Variants in OSBPL8 observed in about 807,000 individuals in gnomAD.
OSBPL8 encodes the protein oxysterol-binding protein-related protein 8.
OSBPL8 carries 59 observed loss-of-function variants against 125.5 expected under a neutral mutation model. The ratio of observed to expected loss-of-function variants is 0.47; its 90% CI spans 0.38 to 0.58. The LOEUF (loss-of-function observed/expected upper bound fraction) is 0.58, where lower values mean the gene tolerates loss of function less well. OSBPL8 is among the 20% of genes least tolerant of loss of function. The probability of loss-of-function intolerance (pLI) is 0.00; values close to 1 mark genes in which losing one functional copy is unlikely to be tolerated. For missense variants in OSBPL8, 758 were observed against 1,047.8 expected (o/e 0.72, Z 3.82); for synonymous variants, 330 against 338.9 (o/e 0.97, Z 0.29).
intron 11 of OSBPL8, 94 bp downstream of exon 11, chr12:76,390,326 T>C (rs776697331): frequency 1.1e-6 from 1 of 900,716 alleles, no homozygotes. Context: ...CACAGAAAAA[T>C]AGGCAATAGA....
intron 1 of OSBPL8, among the ~76,000 whole-genome samples, chr12:76,513,412 G>C (rs1290704752): frequency 6.6e-6 from 1 of 152,214 alleles, no homozygotes; most frequent in Non-Finnish European, 1.5e-5. Context: ...GTTGTTTTAA[G>C]GTGGAAAGTT....
chr12:76,357,945 A>C (rs181028160), intron 22 of OSBPL8, among the ~76,000 whole-genome samples: 210 of 152,104 alleles, frequency 1.4e-3, no homozygotes, highest in African/African-American at 4.9e-3. Flanking sequence ...ACATTATCTG[A>C]CTCGAATAAG....
At chr12:76,542,338 T>C (rs1408138131) in intron 1 of OSBPL8, among the ~76,000 whole-genome samples, 1 of 152,202 alleles carries the variant, frequency 6.6e-6, no homozygotes, top group African/African-American at 2.4e-5. Context: ...TAGAGATGCT[T>C]CTCTTCATCA....
intron 17 of OSBPL8, among the ~76,000 whole-genome samples, chr12:76,373,873 C>T (rs921331371): frequency 2.6e-5 from 4 of 151,716 alleles, no homozygotes. Flanking sequence ...AATATATAGC[C>T]AAAAAAAGCC....
chr12:76,407,745 G>A (rs997509124), intron 5 of OSBPL8, among the ~76,000 whole-genome samples: 6 of 152,044 alleles, frequency 3.9e-5, no homozygotes, highest in Admixed American at 1.3e-4. Flanking sequence ...TTATTCATAA[G>A]AAAATAAATT....
intron 1 of OSBPL8, among the ~76,000 whole-genome samples, chr12:76,551,693 C>T (rs1369782585): frequency 3.3e-5 from 5 of 152,134 alleles, no homozygotes; most frequent in Non-Finnish European, 4.4e-5. Context: ...CACAGAGTCA[C>T]AATGGCACAT....
intron 1 of OSBPL8, among the ~76,000 whole-genome samples, chr12:76,531,707 T>C (rs1485094552): frequency 1.3e-5 from 2 of 152,006 alleles, no homozygotes; most frequent in African/African-American, 4.8e-5. Flanking sequence ...TTGTTTAGTT[T>C]TGAAGGTATA....
intron 21 of OSBPL8, among the ~76,000 whole-genome samples, chr12:76,359,300 C>A (rs963291741): frequency 2.0e-5 from 3 of 152,114 alleles, no homozygotes; most frequent in Non-Finnish European, 4.4e-5. Context: ...GGTTTATTTA[C>A]TTTTAATCAC....
intron 16 of OSBPL8, among the ~76,000 whole-genome samples, chr12:76,378,096 T>TA (rs1275374827): frequency 1.3e-5 from 2 of 152,152 alleles, no homozygotes; most frequent in Admixed American, 6.5e-5. Flanking sequence ...ATTAAAATTT[T>TA]AAAAAAGCAT....
chr12:76,544,283 C>G (rs1950724407), intron 1 of OSBPL8, among the ~76,000 whole-genome samples: 1 of 152,096 alleles, frequency 6.6e-6, no homozygotes, highest in African/African-American at 2.4e-5. Flanking sequence ...TCATTTTGAT[C>G]CTTAATTTTA....
intron 2 of OSBPL8, among the ~76,000 whole-genome samples, chr12:76,469,454 G>C (rs908687981): frequency 1.3e-5 from 2 of 152,150 alleles, no homozygotes; most frequent in Non-Finnish European, 2.9e-5. Flanking sequence ...TGTGTTCCTA[G>C]CAACACTGAC....
At position 76,369,273 on chromosome 12, in the gene OSBPL8, T is replaced by C. The variant is rs144361127; in HGVS notation, c.2269A>G (p.Met757Val). Residue 757 changes from methionine to valine, a missense_variant, in exon 21 of 24, where the codon ATG becomes GTG. Around this residue, in one of 3 missense-constraint regions of OSBPL8, gnomAD observed 572 missense variants for 762.0 expected, o/e 0.75. Coordinates refer to ENST00000261183, the MANE Select transcript of OSBPL8 (RefSeq NM_020841.5). ...DTRPWDPLND[M>V]IQFEKDGVIQ... ...ACACCATCTTTTTCAAACTGTATCA[T>C]ATCATTAAGTGGGTCCCATGGTCGG... The C allele has an allele frequency of 2.1e-4, 342 of 1,610,640 alleles. 1 individual carries two copies. In the African/African-American group the frequency reaches 4.3e-3, roughly 20 times the overall value.
At chr12:76,438,908 T>C (rs979462933) in intron 4 of OSBPL8, among the ~76,000 whole-genome samples, 1 of 152,184 alleles carries the variant, frequency 6.6e-6, no homozygotes, top group Non-Finnish European at 1.5e-5. Context: ...AGAAATGTCT[T>C]ATAATTTTTT....
chr12:76,356,096 A>T, intron 23 of OSBPL8, 75 bp from the exon 24 acceptor site: 2 of 1,290,582 alleles, frequency 1.5e-6, no homozygotes, highest in Non-Finnish European at 2.1e-6. Flanking sequence ...ATTTGATATT[A>T]AACAGTCACA....
chr12:76,448,620 T>C (rs779407744), intron 4 of OSBPL8, among the ~76,000 whole-genome samples: 20 of 152,238 alleles, frequency 1.3e-4, no homozygotes, highest in East Asian at 7.7e-4. Flanking sequence ...ATATATGTTA[T>C]AGTAATTATT....
At chr12:76,555,163 C>A (rs1038673878) in intron 1 of OSBPL8, among the ~76,000 whole-genome samples, 3 of 152,120 alleles carry the variant, frequency 2.0e-5, no homozygotes, top group African/African-American at 7.2e-5. Context: ...TTTTTCTTAA[C>A]AACCAGAAAA....
At chr12:76,498,554 C>T (rs1486182423) in intron 1 of OSBPL8, among the ~76,000 whole-genome samples, 2 of 152,102 alleles carry the variant, frequency 1.3e-5, no homozygotes, top group Non-Finnish European at 2.9e-5. Context: ...AGTATCTATA[C>T]AAGAATCCTT....
chr12:76,427,862 G>C (rs1177556239), intron 4 of OSBPL8, among the ~76,000 whole-genome samples: 2 of 152,012 alleles, frequency 1.3e-5, no homozygotes, highest in African/African-American at 4.8e-5. Flanking sequence ...ACATTGTTAA[G>C]TTGAAAAATC....
intron 4 of OSBPL8, among the ~76,000 whole-genome samples, chr12:76,414,651 T>C (rs1868401698): frequency 1.3e-5 from 2 of 151,674 alleles, no homozygotes; most frequent in Non-Finnish European, 1.5e-5. Context: ...TGAGGTCTCA[T>C]CATGTTGCCC....
Sources: allele counts gnomAD v4.1 joint callset (sites outside exome capture counted in the v4.1 genomes callset), GRCh38; gene constraint gnomAD v4.1.1; regional missense constraint gnomAD v4.1.1; transcripts MANE v1.5; gene names NCBI Gene and HGNC (gene_info 2026-07-23, HGNC 2026-07-21).